FER1L6: variants seen among roughly 807,000 people sequenced by gnomAD.
FER1L6 encodes fer-1 like family member 6.
A neutral mutation model predicts 219.2 loss-of-function variants in FER1L6; 177 were observed. That is an observed-to-expected ratio of 0.81 (90% CI 0.71 to 0.91). The LOEUF (loss-of-function observed/expected upper bound fraction) is 0.91, where lower values mean the gene tolerates loss of function less well. FER1L6 is among the 40% of genes least tolerant of loss of function. The probability of loss-of-function intolerance (pLI) is 0.00; values close to 1 mark genes in which losing one functional copy is unlikely to be tolerated. For synonymous variants in FER1L6, 768 were observed against 824.3 expected (o/e 0.93, Z 1.17); for missense variants, 2,153 against 2,259.9 (o/e 0.95, Z 0.96).
At position 123,975,941 on chromosome 8, in the gene FER1L6, G is replaced by T. The variant is rs773917153; in HGVS notation, c.727G>T (p.Ala243Ser). 4 of 1,613,436 alleles carry T rather than the reference G, an allele frequency of 2.5e-6. No individual in the cohort carries two copies. Among genetic ancestry groups the T allele is most frequent in the Admixed American group, 1.7e-5 (1 of 59,974 alleles). The change falls in exon 9 of 41, where the codon GCC becomes TCC. Residue 243 changes from alanine to serine, a missense_variant. Ala to Ser is a moderately conservative substitution (Grantham distance 99). Coordinates refer to ENST00000522917, the MANE Select transcript of FER1L6 (RefSeq NM_001039112.2). ...PNGFPLERPWARFYVRLYKAE... is the reference protein window; with the variant it reads ...PNGFPLERPWSRFYVRLYKAE... ...TGGGTTTCCACTGGAGAGACCGTGG[G>T]CCAGATTCTATGTGAGACTCTACAA...
chr8:124,069,103 A>AT (rs1219049289), intron 28 of FER1L6, among the ~76,000 whole-genome samples: 4 of 150,912 alleles, frequency 2.7e-5, no homozygotes, highest in Non-Finnish European at 5.9e-5. Context: ...TGCCTGGCTA[A>AT]TTTTTTGTAT....
chr8:124,003,739 T>C (rs1280445044), intron 13 of FER1L6, among the ~76,000 whole-genome samples: 7 of 152,092 alleles, frequency 4.6e-5, no homozygotes. Flanking sequence ...AGTGCTGGGA[T>C]TACAGGCTTG....
At chr8:123,943,111 A>G (rs1814330030) in intron 1 of FER1L6, among the ~76,000 whole-genome samples, 1 of 152,222 alleles carries the variant, frequency 6.6e-6, no homozygotes, top group Admixed American at 6.5e-5. Context: ...GCCTTTGAAG[A>G]CTGTTGTGGA....
chr8:124,016,468 TA>T (rs61172324), intron 15 of FER1L6, among the ~76,000 whole-genome samples: 3,586 of 151,920 alleles, frequency 0.024, 136 homozygotes, highest in African/African-American at 0.08. Flanking sequence ...TGCTCATCAT[TA>T]AAAAAAAATA....
At chr8:124,118,632 T>G (rs2131053108) in intron 39 of FER1L6, among the ~76,000 whole-genome samples, 1 of 152,320 alleles carries the variant, frequency 6.6e-6, no homozygotes. Context: ...CTTCCACAAA[T>G]CTTGAAATAA....
At chr8:124,033,276 C>T (rs981435077) in intron 18 of FER1L6, among the ~76,000 whole-genome samples, 1 of 152,126 alleles carries the variant, frequency 6.6e-6, no homozygotes, top group African/African-American at 2.4e-5. Context: ...GAATTGATGT[C>T]TTAGTGATGT....
At chr8:124,019,406 GCATGTATTGTTTTCACCTCAC>G (rs1030122431) in intron 16 of FER1L6, among the ~76,000 whole-genome samples, 3 of 152,164 alleles carry the variant, frequency 2.0e-5, no homozygotes, top group South Asian at 4.2e-4. Flanking sequence ...TTAATTATGT[GCATGTATTGTTTTCACCTCAC>G]CATGTATTGT....
At chr8:124,116,103 T>C (rs1438356527) in intron 39 of FER1L6, among the ~76,000 whole-genome samples, 1 of 152,224 alleles carries the variant, frequency 6.6e-6, no homozygotes, top group Non-Finnish European at 1.5e-5. Context: ...CACTTAGACA[T>C]GTAAAGTAGC....
Position 123,974,659 on chromosome 8 carries a change from C to CAAAAAAAAAAAAAAAAA in FER1L6, c.527-484_527-468dup, listed in dbSNP as rs994690186. ...CAGGCATCACAGCGAGACTCTGTCT[C>CAAAAAAAAAAAAAAAAA]AAAAAAAAAAAAAAAAAAAAAAAGA... is the stretch of plus-strand genomic sequence containing the variant. On this transcript the variant is annotated intron_variant, in intron 7 of 40. Transcript: ENST00000522917. 9.0e-4 allele frequency among the ~76,000 whole-genome samples: 43 copies of CAAAAAAAAAAAAAAAAA among 47,762 alleles called. 1 individual carries two copies. Among genetic ancestry groups the CAAAAAAAAAAAAAAAAA allele is most frequent in the South Asian group, 1.7e-3 (2 of 1,148 alleles). The allele number at this position is 47,762 out of a possible 152,430, so 31.3% of individuals were successfully genotyped here.
rs781161909 is a variant in FER1L6 at position 124,015,571 on chromosome 8, CTATATATATATATATATA to C, written c.1923-2029_1923-2012del. On this transcript the variant is annotated intron_variant, in intron 15 of 40. Transcript: ENST00000522917. Reference sequence around the variant, plus strand: ...TGTTTCTTGTTTTTCATTATAAAAGCTATATATATATATATATATATATATATATATATATATATATAT... The same window carrying C: ...TGTTTCTTGTTTTTCATTATAAAAGCTATATATATATATATATATATATAT... Among the ~76,000 whole-genome samples the C allele has an allele frequency of 6.4e-3, 276 of 43,268 alleles. 5 individuals carry two copies. Among genetic ancestry groups the C allele is most frequent in the African/African-American group, 9.9e-3 (179 of 18,098 alleles). 28.4% of individuals were successfully genotyped at this position (43,268 alleles called of 152,430 possible).
At position 124,067,152 on chromosome 8, in the gene FER1L6, A is replaced by C. The variant is rs144441559; in HGVS notation, c.3678+602A>C. Among the ~76,000 whole-genome samples, 17 of 152,350 alleles carry C rather than the reference A, an allele frequency of 1.1e-4. No homozygotes were observed. The East Asian group carries it at 3.1e-3, about 28-fold the overall frequency. On this transcript the variant is annotated intron_variant, in intron 27 of 40. Transcript: ENST00000522917. ...GATATGGTAAGATTTCCCTGAGTAC[A>C]AAAGGGAAGAAAAATTACTCCGATG...
rs767568989 is a variant in FER1L6 at position 124,119,819 on chromosome 8, A to G, written c.*29A>G. On this transcript the variant is annotated 3_prime_UTR_variant, in exon 41 of 41. Transcript: ENST00000522917. ...ATCATGGAGGACCCAGATCCTCGCC[A>G]TATACTAATCCTCTCTTCCTTATCT... 3.1e-6 allele frequency: 5 copies of G among 1,607,174 alleles called. No homozygotes were observed. Among genetic ancestry groups the G allele is most frequent in the Non-Finnish European group, 4.2e-6 (5 of 1,176,622 alleles).
intron 1 of FER1L6, among the ~76,000 whole-genome samples, chr8:123,901,028 G>A (rs965584722): frequency 6.6e-6 from 1 of 152,174 alleles, no homozygotes; most frequent in Non-Finnish European, 1.5e-5. Context: ...GAATGAATTA[G>A]GGAGGGTTAC....
intron 12 of FER1L6, among the ~76,000 whole-genome samples, chr8:123,995,346 A>G (rs1817080518): frequency 6.6e-6 from 1 of 152,188 alleles, no homozygotes; most frequent in Non-Finnish European, 1.5e-5. Context: ...GATTTTGATC[A>G]CATTACTTAT....
chr8:124,019,341 T>C (rs1055250211), intron 16 of FER1L6, among the ~76,000 whole-genome samples: 22 of 152,220 alleles, frequency 1.4e-4, no homozygotes, highest in African/African-American at 4.8e-4. Flanking sequence ...TCAAATGTCA[T>C]ATTCTCCAGG....
chr8:123,969,434 T>TA (rs149670799), intron 5 of FER1L6, among the ~76,000 whole-genome samples: 4,767 of 152,218 alleles, frequency 0.031, 171 homozygotes, highest in East Asian at 0.093. Flanking sequence ...AATTATAAAT[T>TA]AAAAAATGAC....
chr8:123,968,655 A>G (rs1241631080), intron 5 of FER1L6, among the ~76,000 whole-genome samples: 1 of 152,252 alleles, frequency 6.6e-6, no homozygotes, highest in African/African-American at 2.4e-5. Flanking sequence ...GTTTAAGCAT[A>G]TATATGAGAA....
chr8:124,080,425 C>T (rs1821488623), intron 32 of FER1L6, among the ~76,000 whole-genome samples: 1 of 152,080 alleles, frequency 6.6e-6, no homozygotes, highest in Admixed American at 6.6e-5. Flanking sequence ...TCAAGCTGTT[C>T]TCCTGCCTCA....
chr8:123,931,305 G>A (rs540065188), intron 1 of FER1L6, among the ~76,000 whole-genome samples: 4 of 152,308 alleles, frequency 2.6e-5, no homozygotes, highest in African/African-American at 9.6e-5. Flanking sequence ...ACGGAGACTG[G>A]TAGAAGACTG....
Sources: gnomAD v4.1 joint callset for allele counts (sites outside exome capture counted in the v4.1 genomes callset) on GRCh38, gnomAD v4.1.1 for gene constraint, MANE v1.5 for transcripts, NCBI Gene and HGNC (gene_info 2026-07-23, HGNC 2026-07-21) for gene names.